The following ZNF454 variants were observed in gnomAD, a reference collection of about 807,000 sequenced individuals.
The protein encoded by ZNF454 is zinc finger protein 454.
A neutral mutation model predicts 48.2 loss-of-function variants in ZNF454; 30 were observed. The observed-to-expected ratio is 0.62, with a 90% CI of 0.47 to 0.84. The LOEUF (loss-of-function observed/expected upper bound fraction) is 0.84. Ranked by LOEUF, ZNF454 falls within the 40% of genes least tolerant of loss-of-function variation. ZNF454 has a pLI of 0.00. For synonymous variants in ZNF454, 204 were observed against 211.4 expected (o/e 0.97, Z 0.30); for missense variants, 510 against 623.1 (o/e 0.82, Z 1.93).
Position 178,946,569 on chromosome 5 carries a change from T to C in ZNF454, c.160+84T>C. 1 of 1,500,676 alleles carries C rather than the reference T, an allele frequency of 6.7e-7. No individual in the cohort carries two copies. The highest frequency in any genetic ancestry group is 8.9e-7 in the Non-Finnish European group (1 of 1,123,316). The allele number at this position is 1,500,676 out of a possible 1,614,324, so 93.0% of individuals were successfully genotyped here. ...CATTGACACCATATAGAAGAGTCGGTTGGACCAACTGAGGACGCTGTCTTC... is the reference window on the plus strand; with the variant it reads ...CATTGACACCATATAGAAGAGTCGGCTGGACCAACTGAGGACGCTGTCTTC... On this transcript the variant is annotated intron_variant, in intron 3 of 4. Coordinates refer to ENST00000519564, the MANE Select transcript of ZNF454 (RefSeq NM_001178089.3). This position sits in a 1 kb window ranked among gnomAD's most constrained non-coding sequence, Gnocchi z 4.5.
chr5:178,952,996 G>A (rs1759616820), intron 4 of ZNF454, among the ~76,000 whole-genome samples: 2 of 151,886 alleles, frequency 1.3e-5, no homozygotes, highest in South Asian at 4.2e-4. Context: ...GTGAACAATG[G>A]TGGCTCTTTC....
chr5:178,953,309 C>T (rs769263206), intron 4 of ZNF454, among the ~76,000 whole-genome samples: 5 of 152,074 alleles, frequency 3.3e-5, no homozygotes, highest in Non-Finnish European at 5.9e-5. Context: ...TGAGCTGTGT[C>T]GGAAATTATG....
At chr5:178,948,881 A>C (rs1342971645) in intron 4 of ZNF454, among the ~76,000 whole-genome samples, 1 of 145,536 alleles carries the variant, frequency 6.9e-6, no homozygotes, top group Non-Finnish European at 1.5e-5. Context: ...ATAATGTATA[A>C]TTGATATAAA....
At chr5:178,970,897 G>T (rs1030335611), downstream of ZNF454, among the ~76,000 whole-genome samples, 2 of 152,136 alleles carry the variant, frequency 1.3e-5, no homozygotes, top group Non-Finnish European at 2.9e-5. Flanking sequence ...AGCCAGCCTG[G>T]CCCGAGCCCC....
chr5:178,959,871 C>T (rs1489613971), intron 4 of ZNF454, among the ~76,000 whole-genome samples: 1 of 151,768 alleles, frequency 6.6e-6, no homozygotes, highest in Non-Finnish European at 1.5e-5. Context: ...TCCCAAAGTG[C>T]TGGGATTACA....
At chr5:178,948,609 G>A (rs1466759140) in intron 4 of ZNF454, among the ~76,000 whole-genome samples, 2 of 152,120 alleles carry the variant, frequency 1.3e-5, no homozygotes, top group African/African-American at 4.8e-5. Context: ...CTGGGCCCCT[G>A]CCCACACTCT....
At chr5:178,986,526 C>A in the ZNF454 span, 1 of 1,608,684 alleles carries the variant, frequency 6.2e-7, no homozygotes, top group Non-Finnish European at 8.5e-7. Flanking sequence ...TCAGGCGCAC[C>A]ACAGGTGTGG....
At chr5:178,982,995 G>C in the ZNF454 span, 1 of 1,614,162 alleles carries the variant, frequency 6.2e-7, no homozygotes, top group Non-Finnish European at 8.5e-7. Flanking sequence ...GAAGCCGATG[G>C]GCTTGGCCTC....
intron 4 of ZNF454, among the ~76,000 whole-genome samples, chr5:178,955,328 C>A (rs1385373172): frequency 6.6e-6 from 1 of 152,166 alleles, no homozygotes; most frequent in African/African-American, 2.4e-5. Context: ...ATGATGTTAG[C>A]AGTAGGCTTT....
At chr5:178,973,842 CA>C in the ZNF454 span, among the ~76,000 whole-genome samples, 62,742 of 101,714 alleles carry the variant, frequency 0.62, 16,087 homozygotes, top group East Asian at 0.75. Context: ...GACTTCATCT[CA>C]AAAAAAAAAA....
intron 4 of ZNF454, among the ~76,000 whole-genome samples, chr5:178,960,139 C>G (rs188316636): frequency 8.3e-4 from 125 of 151,400 alleles, no homozygotes; most frequent in African/African-American, 3.0e-3. Context: ...TTTGTAGAGA[C>G]GAGGTTTCAC....
At chr5:178,981,674 C>T in the ZNF454 span, 1 of 1,613,808 alleles carries the variant, frequency 6.2e-7, no homozygotes. The surrounding 1 kb of genome is among the most constrained non-coding windows in gnomAD (Gnocchi z 5.1). Flanking sequence ...TGGGCCTCTG[C>T]ATCCTCGCCC....
the ZNF454 span, chr5:178,987,315 T>C: frequency 2.0e-6 from 1 of 507,090 alleles, no homozygotes; most frequent in South Asian, 1.5e-5. Flanking sequence ...CCCGGGTAGA[T>C]ACTCGAGAGA....
At chr5:178,988,419 C>T in the ZNF454 span, among the ~76,000 whole-genome samples, 22 of 152,214 alleles carry the variant, frequency 1.4e-4, no homozygotes, top group Non-Finnish European at 2.8e-4. This position sits in a 1 kb window ranked among gnomAD's most constrained non-coding sequence, Gnocchi z 6.0. Flanking sequence ...CATCTCTCCA[C>T]AAACCGTGGA....
At chr5:178,977,824 A>G in the ZNF454 span, among the ~76,000 whole-genome samples, 1 of 152,124 alleles carries the variant, frequency 6.6e-6, no homozygotes, top group Admixed American at 6.6e-5. Flanking sequence ...GCCTCAAGTG[A>G]TCCACTCACC....
chr5:178,972,454 C>G, the ZNF454 span, among the ~76,000 whole-genome samples: 1 of 150,058 alleles, frequency 6.7e-6, no homozygotes, highest in Non-Finnish European at 1.5e-5. Flanking sequence ...CCTACTGCAC[C>G]TAATGGACAA....
At chr5:178,969,077 G>T (rs147069210), downstream of ZNF454, among the ~76,000 whole-genome samples, 277 of 152,288 alleles carry the variant, frequency 1.8e-3, 1 homozygote, top group Admixed American at 4.9e-3. Context: ...CGCCCAGGCT[G>T]ACTTGAATAT....
Position 178,941,303 on chromosome 5 carries a change from A to G in ZNF454, c.-249A>G, listed in dbSNP as rs967579483. On this transcript the variant is annotated 5_prime_UTR_variant, in exon 1 of 5. Coordinates refer to ENST00000519564, the MANE Select transcript of ZNF454 (RefSeq NM_001178089.3). This position sits in a 1 kb window ranked among gnomAD's most constrained non-coding sequence, Gnocchi z 5.5. ...CTCGAAGAGCGACACGGGGCTGACC[A>G]GGCACGGTGGTCAAAGCCGCAGAGG... The G allele has an allele frequency of 4.5e-6, 2 of 443,368 alleles. No individual in the cohort carries two copies. The highest frequency in any genetic ancestry group is 4.6e-6 in the Non-Finnish European group (1 of 219,416). 27.5% of individuals were successfully genotyped at this position (443,368 alleles called of 1,614,324 possible).
chr5:178,945,782 T>C (rs1318166195), intron 2 of ZNF454, among the ~76,000 whole-genome samples: 2 of 151,632 alleles, frequency 1.3e-5, no homozygotes, highest in African/African-American at 2.4e-5. Context: ...CAGCCACAGA[T>C]AGGTGTCGAG....
Sources: allele counts gnomAD v4.1 joint callset (sites outside exome capture counted in the v4.1 genomes callset), GRCh38; gene constraint gnomAD v4.1.1; non-coding constraint Gnocchi (gnomAD v3.1); transcripts MANE v1.5; gene names NCBI Gene and HGNC (gene_info 2026-07-23, HGNC 2026-07-21).